CNNM4: variants seen among roughly 807,000 people sequenced by gnomAD.
CNNM4 encodes cyclin and CBS domain divalent metal cation transport mediator 4.
CNNM4 carries 32 observed loss-of-function variants against 53.7 expected under a neutral mutation model. The observed-to-expected ratio is 0.60, with a 90% CI of 0.45 to 0.80. The LOEUF (loss-of-function observed/expected upper bound fraction) is 0.80, where lower values mean the gene tolerates loss of function less well. CNNM4 is among the 30% of genes least tolerant of loss of function. The probability of loss-of-function intolerance (pLI) is 0.00; values close to 1 mark genes in which losing one functional copy is unlikely to be tolerated. For synonymous variants in CNNM4, 410 were observed against 440.0 expected (o/e 0.93, Z 0.85); for missense variants, 784 against 1,022.0 (o/e 0.77, Z 3.17).
At chr2:96,764,380 C>A (rs548238261) in intron 1 of CNNM4, among the ~76,000 whole-genome samples, 1 of 152,256 alleles carries the variant, frequency 6.6e-6, no homozygotes, top group African/African-American at 2.4e-5. Flanking sequence ...TAACAGAGGC[C>A]AGTAGCCTGA....
intron 1 of CNNM4, among the ~76,000 whole-genome samples, chr2:96,784,572 T>G (rs1054139267): frequency 1.3e-5 from 2 of 152,076 alleles, no homozygotes; most frequent in Non-Finnish European, 2.9e-5. Flanking sequence ...GTCCCCAGGG[T>G]GAGGGGCCAG....
At chr2:96,762,658 G>C (rs563175005) in intron 1 of CNNM4, among the ~76,000 whole-genome samples, 1 of 152,260 alleles carries the variant, frequency 6.6e-6, no homozygotes, top group Admixed American at 6.5e-5. Context: ...TGGAGGGCTG[G>C]AGCAAGACCT....
chr2:96,789,882 G>A (rs1288916013), intron 1 of CNNM4, among the ~76,000 whole-genome samples: 3 of 149,386 alleles, frequency 2.0e-5, no homozygotes, highest in South Asian at 4.2e-4. Flanking sequence ...TAGTAGAGAC[G>A]GTGTTTCACC....
chr2:96,811,838 AT>A lies in CNNM4; in HGVS notation c.*2326del, dbSNP rs1277678610. ...ATTTGCTAAACGATATATGGAATTT[AT>A]TTTTGATTGGTAATAAAAAATCAAA... On this transcript the variant is annotated 3_prime_UTR_variant, in exon 7 of 7. Transcript: ENST00000377075. 6.6e-6 allele frequency: 1 copy of A among 152,600 alleles called. No homozygotes were observed. The highest frequency in any genetic ancestry group is 1.5e-5 in the Non-Finnish European group (1 of 68,034). The allele number at this position is 152,600 out of a possible 1,614,324, so 9.5% of individuals were successfully genotyped here.
chr2:96,778,988 G>A lies in CNNM4; in HGVS notation c.1402+16587G>A, dbSNP rs558706975. ...ATTTATTTTTTTGAGATGGAGTCTC[G>A]CTCTGTTGCCCAGGCTGGAGTGCAG... is the stretch of plus-strand genomic sequence containing the variant. On this transcript the variant is annotated intron_variant, in intron 1 of 6. Transcript: ENST00000377075. Among the ~76,000 whole-genome samples, 1,042 of 151,316 alleles carry A rather than the reference G, an allele frequency of 6.9e-3. 7 individuals carry two copies. Among genetic ancestry groups the A allele is most frequent in the Admixed American group, 0.013 (194 of 15,176 alleles).
chr2:96,796,869 C>T (rs187430543), intron 1 of CNNM4, 143 bp from the exon 2 acceptor site: 7 of 810,934 alleles, frequency 8.6e-6, no homozygotes, highest in Middle Eastern at 3.5e-4. Flanking sequence ...GCAGTAGAAA[C>T]GTCAGGAAAG....
Position 96,797,079 on chromosome 2 carries a change from C to T in CNNM4, c.1470C>T (p.Val490=). 6.2e-7 allele frequency: 1 copy of T among 1,614,114 alleles called. No homozygotes were observed. Among genetic ancestry groups the T allele is most frequent in the South Asian group, 1.1e-5 (1 of 91,080 alleles). Residue 490 remains valine (V), a synonymous_variant, in exon 2 of 7, where the codon GTC becomes GTT. Coordinates refer to ENST00000377075, the MANE Select transcript of CNNM4 (RefSeq NM_020184.4). The surrounding 1 kb of genome is among the most constrained non-coding windows in gnomAD (Gnocchi z 6.0). ...NEGEGDPFYE[V]LGLVTLEDVI... ...GTGAGGGTGACCCCTTCTACGAGGT[C>T]CTGGGCCTGGTCACCCTGGAGGACG...
chr2:96,783,523 T>A (rs111662645), intron 1 of CNNM4, among the ~76,000 whole-genome samples: 1 of 152,174 alleles, frequency 6.6e-6, no homozygotes, highest in Non-Finnish European at 1.5e-5. Context: ...AAGTTCCTTG[T>A]TTTTCTCCTT....
intron 1 of CNNM4, among the ~76,000 whole-genome samples, chr2:96,766,645 T>G: frequency 6.6e-6 from 1 of 152,204 alleles, no homozygotes; most frequent in East Asian, 1.9e-4. Flanking sequence ...ATTTACTGTG[T>G]TGTCTACTGT....
At chr2:96,803,680 C>T (rs1040472768) in intron 5 of CNNM4, among the ~76,000 whole-genome samples, 3 of 151,016 alleles carry the variant, frequency 2.0e-5, no homozygotes, top group South Asian at 2.1e-4. Flanking sequence ...GAGCTGAGAT[C>T]GTGCCATTGC....
chr2:96,765,777 TTTTC>T (rs200888938), intron 1 of CNNM4, among the ~76,000 whole-genome samples: 14,815 of 149,916 alleles, frequency 0.099, 972 homozygotes, highest in African/African-American at 0.2. Flanking sequence ...GCTGTTCTTT[TTTTC>T]TTTCTTTCTT....
intron 1 of CNNM4, among the ~76,000 whole-genome samples, chr2:96,779,943 C>T (rs1466998356): frequency 6.6e-6 from 1 of 152,020 alleles, no homozygotes; most frequent in Non-Finnish European, 1.5e-5. Context: ...GCTGGGGCTA[C>T]AGGCACGTGC....
At chr2:96,809,275 G>C in intron 6 of CNNM4, 45 bp from the exon 7 acceptor site, 1 of 1,610,970 alleles carries the variant, frequency 6.2e-7, no homozygotes, top group Non-Finnish European at 8.5e-7. Flanking sequence ...GATAGGGTCT[G>C]CCTCCCAGCC....
intron 1 of CNNM4, among the ~76,000 whole-genome samples, chr2:96,789,229 G>A (rs550443548): frequency 1.2e-4 from 19 of 152,270 alleles, no homozygotes; most frequent in Admixed American, 5.9e-4. Context: ...GGGAAGAAAT[G>A]GGTCGGGATC....
At chr2:96,780,616 G>T (rs1201900238) in intron 1 of CNNM4, among the ~76,000 whole-genome samples, 1 of 152,184 alleles carries the variant, frequency 6.6e-6, no homozygotes, top group South Asian at 2.1e-4. Flanking sequence ...ATGACCTCAG[G>T]TTCAGTAATT....
Position 96,803,924 on chromosome 2 carries a change from G to A in CNNM4, c.1948+4276G>A, listed in dbSNP as rs139283467. ...TTTGTTTGTTTGTTTTAAGAGACACGTTCTTTCTCTGTCACCTAGGCTGGA... is the reference window on the plus strand; with the variant it reads ...TTTGTTTGTTTGTTTTAAGAGACACATTCTTTCTCTGTCACCTAGGCTGGA... On this transcript the variant is annotated intron_variant, in intron 5 of 6. Transcript: ENST00000377075. Among the ~76,000 whole-genome samples, 459 of 152,146 alleles carry A rather than the reference G, an allele frequency of 3.0e-3. 1 individual carries two copies. The highest frequency in any genetic ancestry group is 0.011 in the African/African-American group (437 of 41,496).
chr2:96,782,943 C>T (rs958905948), intron 1 of CNNM4, among the ~76,000 whole-genome samples: 3 of 152,064 alleles, frequency 2.0e-5, no homozygotes, highest in Non-Finnish European at 4.4e-5. Flanking sequence ...TGGGGGCTCA[C>T]ACGTGTAATC....
At chr2:96,791,460 C>T (rs951669757) in intron 1 of CNNM4, among the ~76,000 whole-genome samples, 1 of 151,574 alleles carries the variant, frequency 6.6e-6, no homozygotes, top group Non-Finnish European at 1.5e-5. Flanking sequence ...GGTGAAATTC[C>T]GTCTCTACTA....
Position 96,808,507 on chromosome 2 carries a change from T to A in CNNM4, c.1949-54T>A. 3 of 1,587,230 alleles carry A rather than the reference T, an allele frequency of 1.9e-6. No individual in the cohort carries two copies. In the South Asian group the frequency reaches 3.3e-5, roughly 18 times the overall value. On this transcript the variant is annotated intron_variant, in intron 5 of 6. Transcript: ENST00000377075. This position sits in a 1 kb window ranked among gnomAD's most constrained non-coding sequence, Gnocchi z 4.9. ...CATGGGATGAGGTGAGACATGAGGG[T>A]GAGAGTGGGCATCGGAGTGGCCTTT...
Sources: gnomAD v4.1 joint callset for allele counts (sites outside exome capture counted in the v4.1 genomes callset) on GRCh38, gnomAD v4.1.1 for gene constraint, Gnocchi (gnomAD v3.1) non-coding constraint, MANE v1.5 for transcripts, NCBI Gene and HGNC (gene_info 2026-07-23, HGNC 2026-07-21) for gene names.